The following TPO variants were observed in gnomAD, a reference collection of about 807,000 sequenced individuals.
The protein encoded by TPO is thyroid peroxidase, also known as thyroid microsomal antigen.
A neutral mutation model predicts 96.9 loss-of-function variants in TPO; 78 were observed. The ratio of observed to expected loss-of-function variants is 0.81; its 90% CI spans 0.67 to 0.97. TPO has a LOEUF of 0.97. Ranked by LOEUF, TPO falls within the 50% of genes least tolerant of loss-of-function variation. TPO has a pLI of 0.00. For synonymous variants in TPO, 547 were observed against 538.0 expected, an observed-to-expected ratio of 1.02 and a Z score of -0.23; for missense variants, 1,252 against 1,274.8, an observed-to-expected ratio of 0.98 and a Z score of 0.27.
At chr2:1,481,345 A>G (rs987795970) in intron 8 of TPO, among the ~76,000 whole-genome samples, 3 of 152,208 alleles carry the variant, frequency 2.0e-5, no homozygotes, top group African/African-American at 7.2e-5. Flanking sequence ...TGGGTGTGCC[A>G]TCCAGGCAGC....
chr2:1,489,027 C>G (rs555934834), intron 10 of TPO, among the ~76,000 whole-genome samples: 64 of 152,306 alleles, frequency 4.2e-4, no homozygotes, highest in South Asian at 2.5e-3. Context: ...CATGCCTTCA[C>G]ATGCCCGGCA....
At position 1,516,931 on chromosome 2, in the gene TPO, C is replaced by T. The variant is rs1422736079; in HGVS notation, c.2567C>T (p.Ala856Val). The T allele has an allele frequency of 1.2e-6, 2 of 1,614,036 alleles. No individual in the cohort carries two copies. Among genetic ancestry groups the T allele is most frequent in the Non-Finnish European group, 8.5e-7 (1 of 1,180,044 alleles). ...ACTTGGATCTCCATGTCGCTGGCTG[C>T]TCTGCTGATCGGAGGCTTCGCAGGT... ...RVTWISMSLA[A>V]LLIGGFAGLT... The change falls in exon 15 of 17, where the codon GCT (alanine) becomes GTT (valine). Residue 856 changes from alanine to valine, a missense_variant. By Grantham distance (64) the Ala-to-Val change is moderately conservative. Transcript: ENST00000329066.
chr2:1,433,772 A>G (rs1247107303), intron 4 of TPO, among the ~76,000 whole-genome samples, 165 bp downstream of exon 4: 1 of 152,236 alleles, frequency 6.6e-6, no homozygotes, highest in East Asian at 1.9e-4. Flanking sequence ...AAAAATGCTT[A>G]CCAAACAGTC....
chr2:1,394,745 C>A (rs543200553), intron 1 of TPO, among the ~76,000 whole-genome samples: 1 of 152,282 alleles, frequency 6.6e-6, no homozygotes, highest in East Asian at 1.9e-4. Context: ...TGTCACTGGT[C>A]TGAAATGGTT....
At chr2:1,437,087 A>G (rs146319727) in intron 5 of TPO, among the ~76,000 whole-genome samples, 1 of 152,318 alleles carries the variant, frequency 6.6e-6, no homozygotes, top group East Asian at 1.9e-4. Context: ...TTTTCTGAAG[A>G]AGGTGATATG....
At position 1,494,653 on chromosome 2, in the gene TPO, C is replaced by T. The variant is rs577123334; in HGVS notation, c.2006+614C>T. On this transcript the variant is annotated intron_variant, in intron 11 of 16. Transcript: ENST00000329066. Reference sequence around the variant, plus strand: ...CATCTGACTCTGAGTGCATGCCCCCCGTAGAAGCAGGTGCGCAGGATACCA... The same window carrying T: ...CATCTGACTCTGAGTGCATGCCCCCTGTAGAAGCAGGTGCGCAGGATACCA... Among the ~76,000 whole-genome samples the T allele has an allele frequency of 3.9e-5, 6 of 152,302 alleles. No individual in the cohort carries two copies. In the South Asian group the frequency reaches 1.0e-3, roughly 26 times the overall value.
Position 1,476,106 on chromosome 2 carries a change from T to C in TPO, c.820-980T>C, listed in dbSNP as rs138789848. 2.6e-5 allele frequency among the ~76,000 whole-genome samples: 4 copies of C among 152,358 alleles called. No homozygotes were observed. In the East Asian group the frequency reaches 5.8e-4, roughly 22 times the overall value. On this transcript the variant is annotated intron_variant, in intron 7 of 16. Transcript: ENST00000329066. ...TCTTCCGTTCCTTCCTACTCCTCAG[T>C]GCCCAGGCTGCACTTTGCCCCGAGA...
intron 3 of TPO, among the ~76,000 whole-genome samples, chr2:1,429,876 A>G (rs985547527): frequency 6.6e-6 from 1 of 152,214 alleles, no homozygotes; most frequent in Non-Finnish European, 1.5e-5. Flanking sequence ...CAAAGAAATG[A>G]TTTGTATTTG....
upstream of TPO, among the ~76,000 whole-genome samples, chr2:1,409,861 T>A (rs895061571): frequency 3.3e-5 from 5 of 151,092 alleles, no homozygotes. Flanking sequence ...AAACACCTCA[T>A]GATCTCCCTC....
At position 1,460,606 on chromosome 2, in the gene TPO, T is replaced by C. The variant is rs574870762; in HGVS notation, c.819+4324T>C. ...CCATAAAAAGAGTATATTTCCCACCTAATAATGTAGCAATTAGAATGAAAT... is the reference window on the plus strand; with the variant it reads ...CCATAAAAAGAGTATATTTCCCACCCAATAATGTAGCAATTAGAATGAAAT... On this transcript the variant is annotated intron_variant, in intron 7 of 16. Coordinates refer to ENST00000329066, the MANE Select transcript of TPO (RefSeq NM_001206744.2). Among the ~76,000 whole-genome samples, 3 of 152,332 alleles carry C rather than the reference T, an allele frequency of 2.0e-5. No individual in the cohort carries two copies. The South Asian group carries it at 6.2e-4, about 32-fold the overall frequency.
rs2148672518 is a variant in TPO at position 1,477,320 on chromosome 2, G to A, written c.1054G>A (p.Val352Ile). ...NWTSAEGLLR[V>I]HARLRDSGRA... is the part of the protein sequence containing the mutation. ...GACCAGTGCCGAAGGGCTGCTCCGC[G>A]TCCACGCGCGCCTCCGGGACTCCGG... Residue 352 changes from valine to isoleucine, a missense_variant, in exon 8 of 17, where the codon GTC (valine) becomes ATC (isoleucine). Coordinates refer to ENST00000329066, the MANE Select transcript of TPO (RefSeq NM_001206744.2). The A allele has an allele frequency of 1.3e-6, 2 of 1,567,650 alleles. No homozygotes were observed. The highest frequency in any genetic ancestry group is 1.2e-5 in the South Asian group (1 of 85,646).
chr2:1,534,515 CAAATCCCT>C (rs1679095459), intron 15 of TPO, among the ~76,000 whole-genome samples: 6 of 67,962 alleles, frequency 8.8e-5, no homozygotes, highest in African/African-American at 2.8e-4. Context: ...GCAACTTCCC[CAAATCCCT>C]CCCACTCTGT....
chr2:1,512,382 C>G, intron 14 of TPO: 1 of 985,442 alleles, frequency 1.0e-6, no homozygotes, highest in Non-Finnish European at 1.2e-6. Context: ...TGTCCATCTG[C>G]CTCTCCAGAT....
intron 5 of TPO, among the ~76,000 whole-genome samples, chr2:1,448,563 G>GT (rs1667033867): frequency 1.3e-5 from 2 of 152,196 alleles, no homozygotes. Flanking sequence ...CATCGTAAGA[G>GT]TTACGGCGAC....
intron 14 of TPO, among the ~76,000 whole-genome samples, chr2:1,508,999 T>C (rs1182083896): frequency 2.0e-5 from 3 of 152,244 alleles, no homozygotes; most frequent in Non-Finnish European, 4.4e-5. Context: ...TTTAGATCTT[T>C]CCTGCTTTCT....
chr2:1,374,967 C>G (rs1436178871), intron 1 of TPO, among the ~76,000 whole-genome samples: 1 of 151,970 alleles, frequency 6.6e-6, no homozygotes, highest in African/African-American at 2.4e-5. Flanking sequence ...CTGAACTCGT[C>G]ATCTACCCAC....
chr2:1,523,013 C>A lies in TPO; in HGVS notation c.2618+6031C>A, dbSNP rs113589724. Among the ~76,000 whole-genome samples, 36 of 64,894 alleles carry A rather than the reference C, an allele frequency of 5.5e-4. 1 individual carries two copies. Among genetic ancestry groups the A allele is most frequent in the African/African-American group, 1.5e-3 (33 of 22,276 alleles). The allele number at this position is 64,894 out of a possible 152,430, so 42.6% of individuals were successfully genotyped here. ...CCCACGCTGTGCAAACTCCCCAGAT[C>A]CCCCCAACTCTGTGCAACCTCCCCA... On this transcript the variant is annotated intron_variant, in intron 15 of 16. Coordinates refer to ENST00000329066, the MANE Select transcript of TPO (RefSeq NM_001206744.2).
At chr2:1,419,379 G>A (rs1055758922) in intron 2 of TPO, among the ~76,000 whole-genome samples, 1 of 152,208 alleles carries the variant, frequency 6.6e-6, no homozygotes, top group Non-Finnish European at 1.5e-5. Flanking sequence ...ACGATAGCAA[G>A]GGGCTCAGAG....
At position 1,433,225 on chromosome 2, in the gene TPO, T is replaced by C. The variant is rs142016678; in HGVS notation, c.180-213T>C. Among the ~76,000 whole-genome samples the C allele has an allele frequency of 1.7e-3, 252 of 152,312 alleles. 1 individual carries two copies. The highest frequency in any genetic ancestry group is 5.8e-3 in the African/African-American group (240 of 41,578). On this transcript the variant is annotated intron_variant, in intron 3 of 16. Transcript: ENST00000329066. ...TGCCATTTTCCTCATCATTCAATAC[T>C]GATGCATCACTTACACCCTATTCCT...
Sources: allele counts gnomAD v4.1 joint callset (sites outside exome capture counted in the v4.1 genomes callset), GRCh38; gene constraint gnomAD v4.1.1; transcripts MANE v1.5; gene names NCBI Gene and HGNC (gene_info 2026-07-23, HGNC 2026-07-21).